The following PKD2L2 variants were observed in gnomAD, a reference collection of about 807,000 sequenced individuals.
PKD2L2 encodes the protein polycystin-2-like protein 2.
In PKD2L2, 67 loss-of-function variants were observed where a neutral mutation model predicts 83.9. The observed-to-expected ratio is 0.80, with a 90% CI of 0.66 to 0.98. The LOEUF is 0.98. Ranked by LOEUF, PKD2L2 falls within the 50% of genes least tolerant of loss-of-function variation. PKD2L2 has a pLI of 0.00. For synonymous variants in PKD2L2, 223 were observed against 237.8 expected (o/e 0.94, Z 0.57); for missense variants, 632 against 717.2 (o/e 0.88, Z 1.36).
At chr5:137,921,126 C>T (rs749551020) in intron 8 of PKD2L2, among the ~76,000 whole-genome samples, 15 of 151,990 alleles carry the variant, frequency 9.9e-5, no homozygotes, top group Non-Finnish European at 1.9e-4. Context: ...TTTGGGAGGC[C>T]GAGGTGGGCG....
chr5:137,908,078 G>C (rs1257725832), intron 7 of PKD2L2, among the ~76,000 whole-genome samples, 166 bp downstream of exon 7: 2 of 152,294 alleles, frequency 1.3e-5, no homozygotes, highest in East Asian at 3.9e-4. Flanking sequence ...ACTTTGGAAG[G>C]CCAAGGCAGG....
intron 12 of PKD2L2, among the ~76,000 whole-genome samples, chr5:137,932,358 A>G (rs1309124828): frequency 3.9e-5 from 6 of 152,154 alleles, no homozygotes; most frequent in Non-Finnish European, 2.9e-5. Flanking sequence ...CAAAAAAAAA[A>G]AGACACAAAA....
rs761836124 is a variant in PKD2L2 at position 137,889,466 on chromosome 5, A to G, written c.-26A>G. On this transcript the variant is annotated 5_prime_UTR_variant, in exon 1 of 15. Transcript: ENST00000508883. Reference sequence around the variant, plus strand: ...CAAGCGCCGCGGCCTCAGGCGAACGAACGGGCGGTGTAGTGCAGGTCCGCC... The same window carrying G: ...CAAGCGCCGCGGCCTCAGGCGAACGGACGGGCGGTGTAGTGCAGGTCCGCC... 4 of 1,585,636 alleles carry G rather than the reference A, an allele frequency of 2.5e-6. No individual in the cohort carries two copies. The highest frequency in any genetic ancestry group is 3.4e-6 in the Non-Finnish European group (4 of 1,168,280).
At chr5:137,940,136 A>G in intron 14 of PKD2L2, 1 of 1,614,090 alleles carries the variant, frequency 6.2e-7, no homozygotes, top group Non-Finnish European at 8.5e-7. Context: ...GTGCCTGACA[A>G]AACGAATTTA....
chr5:137,925,993 C>T (rs1312259459), intron 12 of PKD2L2, 64 bp downstream of exon 12: 9 of 832,944 alleles, frequency 1.1e-5, no homozygotes, highest in South Asian at 4.9e-5. Context: ...CTCACAAAAA[C>T]GCTCTGGTTA....
chr5:137,936,839 T>G (rs914266068), intron 14 of PKD2L2, among the ~76,000 whole-genome samples: 1 of 152,212 alleles, frequency 6.6e-6, no homozygotes, highest in Non-Finnish European at 1.5e-5. Context: ...CAACCTATCA[T>G]CAAACTATCC....
chr5:137,921,135 C>T (rs1345387848), intron 8 of PKD2L2, among the ~76,000 whole-genome samples: 7 of 151,854 alleles, frequency 4.6e-5, no homozygotes, highest in Admixed American at 1.3e-4. Context: ...CCGAGGTGGG[C>T]GGATCACTTG....
At chr5:137,900,816 A>G (rs537971684) in intron 5 of PKD2L2, among the ~76,000 whole-genome samples, 8 of 152,322 alleles carry the variant, frequency 5.3e-5, no homozygotes, top group African/African-American at 1.9e-4. Context: ...TAAGAAAGGC[A>G]TACCTTTAGA....
rs763450124 is a variant in PKD2L2 at position 137,935,906 on chromosome 5, G to A, written c.1781G>A (p.Arg594Gln). ...DYQPVTQEEFRELFLYAVELE... is the reference protein window; with the variant it reads ...DYQPVTQEEFQELFLYAVELE... The stretch of plus-strand genomic sequence containing the variant: ...CAGCCTGTCACTCAAGAAGAATTTC[G>A]AGAGTAAGCTTATGTTCTAACCAGA... The change falls in exon 13 of 15, where the codon CGA (arginine) becomes CAA (glutamine). Residue 594 changes from arginine to glutamine, a missense_variant. Physicochemically the swap from Arg to Gln is conservative, Grantham distance 43. This residue lies in a region of PKD2L2 where 399 missense variants were observed against 416.9 expected (regional missense o/e 0.96). Transcript: ENST00000508883. The A allele has an allele frequency of 1.3e-5, 19 of 1,492,656 alleles. No homozygotes were observed. The highest frequency in any genetic ancestry group is 4.1e-5 in the African/African-American group (3 of 72,440). 92.5% of individuals were successfully genotyped at this position (1,492,656 alleles called of 1,614,324 possible). A position where few individuals can be genotyped will look rare whatever the true frequency, so the allele number is the denominator to read the frequency against.
chr5:137,917,571 T>C (rs1348799010), intron 8 of PKD2L2, among the ~76,000 whole-genome samples: 2 of 152,212 alleles, frequency 1.3e-5, no homozygotes, highest in Non-Finnish European at 2.9e-5. Context: ...TGAATCTCTT[T>C]AGTAAATTTC....
intron 8 of PKD2L2, among the ~76,000 whole-genome samples, chr5:137,921,117 T>C (rs530687693): frequency 1.3e-5 from 2 of 152,146 alleles, no homozygotes; most frequent in Non-Finnish European, 2.9e-5. Context: ...TCCCAGCACT[T>C]TGGGAGGCCG....
At position 137,906,249 on chromosome 5, in the gene PKD2L2, T is replaced by C; in HGVS notation, c.790T>C (p.Trp264Arg). 1.2e-6 allele frequency: 2 copies of C among 1,612,476 alleles called. No individual in the cohort carries two copies. The highest frequency in any genetic ancestry group is 1.7e-6 in the Non-Finnish European group (2 of 1,179,052). ...TGCAACTGGAGGAATACTTACTTCATGGCAGTTTTACTCTGTGAAGCTCCT... is the reference window on the plus strand; with the variant it reads ...TGCAACTGGAGGAATACTTACTTCACGGCAGTTTTACTCTGTGAAGCTCCT... ...FPATGGILTS[W>R]QFYSVKLLRY... The change falls in exon 6 of 15, where the codon TGG becomes CGG. Residue 264 changes from tryptophan (W) to arginine (R), a missense_variant. Trp to Arg is a moderately radical substitution (Grantham distance 101). This residue lies in a region of PKD2L2 where 399 missense variants were observed against 416.9 expected (regional missense o/e 0.96). Transcript: ENST00000508883.
At chr5:137,890,324 T>A (rs1755849551) in intron 1 of PKD2L2, 157 bp from the exon 2 acceptor site, 2 of 557,358 alleles carry the variant, frequency 3.6e-6, no homozygotes, top group Non-Finnish European at 6.3e-6. Flanking sequence ...AAAAAAATTA[T>A]CCCTGCCTCG....
chr5:137,912,806 T>C (rs1456497020), intron 8 of PKD2L2, among the ~76,000 whole-genome samples: 2 of 119,056 alleles, frequency 1.7e-5, no homozygotes, highest in East Asian at 2.1e-4. Context: ...TCTTTCTTTC[T>C]TTTTTTTTTT....
chr5:137,928,723 G>T (rs1382321201), intron 12 of PKD2L2, among the ~76,000 whole-genome samples: 13 of 152,002 alleles, frequency 8.6e-5, no homozygotes, highest in Non-Finnish European at 1.9e-4. Flanking sequence ...TGAGCCACTG[G>T]GCCCAGGCTT....
intron 12 of PKD2L2, among the ~76,000 whole-genome samples, chr5:137,932,548 C>A (rs1422207959): frequency 6.6e-6 from 1 of 151,980 alleles, no homozygotes; most frequent in Non-Finnish European, 1.5e-5. Context: ...ATAATGACTG[C>A]AGGAAGAGGT....
chr5:137,941,646 T>C (rs1347067295), intron 14 of PKD2L2, among the ~76,000 whole-genome samples: 1 of 152,162 alleles, frequency 6.6e-6, no homozygotes, highest in East Asian at 1.9e-4. Context: ...GATATCTCAT[T>C]TCACAACCAC....
chr5:137,897,033 A>ATATTAT (rs10536140), intron 4 of PKD2L2, among the ~76,000 whole-genome samples: 112 of 137,034 alleles, frequency 8.2e-4, no homozygotes, highest in African/African-American at 1.0e-3. Context: ...ATACATTATT[A>ATATTAT]TATTATTATT....
intron 13 of PKD2L2, 42 bp downstream of exon 13, chr5:137,935,951 C>A: frequency 9.3e-7 from 1 of 1,071,590 alleles, no homozygotes. Flanking sequence ...GATATCATGA[C>A]ATGCGCATTA....
Sources: gnomAD v4.1 joint callset for allele counts (sites outside exome capture counted in the v4.1 genomes callset) on GRCh38, gnomAD v4.1.1 for gene constraint, gnomAD v4.1.1 regional missense constraint, MANE v1.5 for transcripts, NCBI Gene and HGNC (gene_info 2026-07-23, HGNC 2026-07-21) for gene names.